Variants in TDRD12 observed in about 807,000 individuals in gnomAD.
The protein encoded by TDRD12 is tudor domain containing 12.
TDRD12 carries 158 observed loss-of-function variants against 133.5 expected under a neutral mutation model. The ratio of observed to expected loss-of-function variants is 1.18; its 90% confidence interval spans 1.04 to 1.35. The LOEUF is 1.35. TDRD12 is among the 40% of genes most tolerant of loss of function. The pLI, the probability that TDRD12 is intolerant of heterozygous loss-of-function variation, is 0.00. For synonymous variants in TDRD12, 460 were observed against 477.9 expected (o/e 0.96, Z 0.49); for missense variants, 1,443 against 1,321.3 (o/e 1.09, Z -1.43).
intron 8 of TDRD12, among the ~76,000 whole-genome samples, chr19:32,758,266 G>A (rs977557416): frequency 4.6e-5 from 7 of 152,158 alleles, no homozygotes; most frequent in African/African-American, 1.7e-4. Flanking sequence ...CAGTGTGTCC[G>A]GGCTGGCACT....
chr19:32,742,517 A>C (rs764732872), intron 3 of TDRD12, among the ~76,000 whole-genome samples: 1 of 152,132 alleles, frequency 6.6e-6, no homozygotes, highest in Non-Finnish European at 1.5e-5. Context: ...ATGAAATGTC[A>C]ATTTCACTGA....
At chr19:32,754,031 T>C (rs1455600100) in intron 6 of TDRD12, among the ~76,000 whole-genome samples, 1 of 152,224 alleles carries the variant, frequency 6.6e-6, no homozygotes, top group Admixed American at 6.5e-5. Flanking sequence ...CTTTCGCACC[T>C]TCTTCAGTGT....
exon 9 of TDRD12, chr19:32,826,497 A>T (rs758197631): frequency 7.2e-6 from 9 of 1,253,534 alleles, no homozygotes; most frequent in Non-Finnish European, 9.0e-6. Flanking sequence ...GCGGGGCAAC[A>T]TAAGGAAAGA....
At chr19:32,801,662 A>T (rs12976876) in intron 18 of TDRD12, 94 bp from the exon 19 acceptor site, 235,330 of 416,406 alleles carry the variant, frequency 0.57, 68,691 homozygotes, top group East Asian at 0.86. Flanking sequence ...TCACAGATAA[A>T]TTAAAGTGCT....
exon 21 of TDRD12, chr19:32,803,098 C>T (rs1259723395): frequency 1.6e-5 from 25 of 1,535,152 alleles, no homozygotes; most frequent in South Asian, 3.6e-5. Context: ...ATAAGAAAGC[C>T]GGAAGGCCTC....
chr19:32,744,780 C>T (rs969249980), intron 4 of TDRD12, among the ~76,000 whole-genome samples: 10 of 152,102 alleles, frequency 6.6e-5, no homozygotes, highest in Middle Eastern at 3.4e-3. Context: ...TCCTCCCACC[C>T]GGTGCTCCTC....
downstream of TDRD12, chr19:32,826,083 CTTGA>C (rs1157464265): frequency 1.7e-5 from 26 of 1,534,844 alleles, no homozygotes; most frequent in Non-Finnish European, 2.3e-5. Context: ...AAAATATGAC[CTTGA>C]TTTTGTGCAG....
chr19:32,791,234 C>T (rs1971062788), intron 13 of TDRD12, among the ~76,000 whole-genome samples, 166 bp downstream of exon 13: 1 of 152,126 alleles, frequency 6.6e-6, no homozygotes, highest in Non-Finnish European at 1.5e-5. Flanking sequence ...GGCCTAATTT[C>T]TCATTTATTC....
chr19:32,740,922 A>T (rs1969406274), intron 3 of TDRD12, among the ~76,000 whole-genome samples: 1 of 152,196 alleles, frequency 6.6e-6, no homozygotes, highest in Admixed American at 6.6e-5. Flanking sequence ...GTTCGTTAGA[A>T]TACACCAGCA....
In TDRD12 at chr19:32,802,641, A is replaced by G; in HGVS notation, c.2198-15A>G. ...ACTCCAGCGCGTGTGACATTGTCGG[A>G]CTCCCTCTCTGCAGCCCTCACAGAC... On this transcript the variant is annotated splice_polypyrimidine_tract_variant and intron_variant, in intron 19 of 27. Coordinates refer to ENST00000444215, the Ensembl canonical transcript of TDRD12. The G allele has an allele frequency of 6.5e-7, 1 of 1,534,618 alleles. No homozygotes were observed. Among genetic ancestry groups the G allele is most frequent in the South Asian group, 1.2e-5 (1 of 83,990 alleles).
chr19:32,721,707 T>TCG (rs1968679099), intron 1 of TDRD12, among the ~76,000 whole-genome samples: 1 of 145,396 alleles, frequency 6.9e-6, no homozygotes, highest in African/African-American at 2.6e-5. Flanking sequence ...TTTTATTTTA[T>TCG]TTTATTTTAT....
Position 32,795,282 on chromosome 19 carries a change from G to A in TDRD12, c.1473+469G>A, listed in dbSNP as rs796768387. On this transcript the variant is annotated intron_variant, in intron 14 of 27. Transcript: ENST00000444215. ...TGGGAGGCGAAGGTTGCAGTGAGCC[G>A]AGATTATACCATTGTGTTCCAGCCT... Among the ~76,000 whole-genome samples the A allele has an allele frequency of 6.0e-5, 9 of 148,778 alleles. No individual in the cohort carries two copies. The East Asian group carries it at 9.9e-4, about 16-fold the overall frequency.
intron 22 of TDRD12, 75 bp downstream of exon 22, chr19:32,807,723 G>C: frequency 9.6e-7 from 1 of 1,043,294 alleles, no homozygotes; most frequent in Middle Eastern, 2.0e-4. Context: ...TGTTAAGCAG[G>C]ATCTTAGTAG....
chr19:32,772,794 C>T (rs1348916333), exon 9 of TDRD12: 1 of 1,514,638 alleles, frequency 6.6e-7, no homozygotes, highest in Non-Finnish European at 8.8e-7. Flanking sequence ...GAGAGATTCA[C>T]CTAAAGACAA....
At chr19:32,754,565 A>G (rs1969933268) in intron 6 of TDRD12, among the ~76,000 whole-genome samples, 1 of 152,046 alleles carries the variant, frequency 6.6e-6, no homozygotes, top group Non-Finnish European at 1.5e-5. Flanking sequence ...GTCTTGTAAA[A>G]TATCTTTTTT....
intron 1 of TDRD12, among the ~76,000 whole-genome samples, chr19:32,727,776 C>A (rs1202377664): frequency 1.3e-5 from 2 of 152,176 alleles, no homozygotes; most frequent in East Asian, 3.8e-4. Context: ...TCAAGTGATT[C>A]TCTTGGCGTA....
chr19:32,755,007 G>C (rs576510606), intron 6 of TDRD12, among the ~76,000 whole-genome samples: 3 of 152,306 alleles, frequency 2.0e-5, no homozygotes, highest in East Asian at 1.9e-4. Flanking sequence ...TCCTTTACCA[G>C]CTCCCAAAGG....
chr19:32,826,410 TA>T, intron 8 of TDRD12, 34 bp from the exon 31 acceptor site: 1 of 1,245,884 alleles, frequency 8.0e-7, no homozygotes, highest in Middle Eastern at 3.0e-4. Flanking sequence ...TTTAGCATTT[TA>T]AAAGGCTGAC....
chr19:32,795,376 T>C (rs1024219431), intron 14 of TDRD12, among the ~76,000 whole-genome samples: 1 of 149,286 alleles, frequency 6.7e-6, no homozygotes, highest in Non-Finnish European at 1.5e-5. Flanking sequence ...AAAATGGATA[T>C]CGAGTGTGTA....
Sources: gnomAD v4.1 joint callset for allele counts (sites outside exome capture counted in the v4.1 genomes callset) on GRCh38, gnomAD v4.1.1 for gene constraint, MANE v1.5 for transcripts, NCBI Gene and HGNC (gene_info 2026-07-23, HGNC 2026-07-21) for gene names.